Variants in ADAM15 observed in about 807,000 individuals in gnomAD.
ADAM15 encodes the protein disintegrin and metalloproteinase domain-containing protein 15.
In ADAM15, 77 loss-of-function variants were observed where a neutral mutation model predicts 113.8. The ratio of observed to expected loss-of-function variants is 0.68; its 90% CI spans 0.56 to 0.82. The LOEUF (loss-of-function observed/expected upper bound fraction) is 0.82. ADAM15 is among the 40% of genes least tolerant of loss of function. ADAM15 has a pLI of 0.00. For missense variants in ADAM15, 963 were observed against 1,120.1 expected, an observed-to-expected ratio of 0.86 and a Z score of 2.00; for synonymous variants, 388 against 454.1, an observed-to-expected ratio of 0.85 and a Z score of 1.85.
In ADAM15 at chr1:155,058,733, G is replaced by C; in HGVS notation, c.1941G>C (p.Gln647His). The C allele has an allele frequency of 6.2e-7, 1 of 1,613,898 alleles. No homozygotes were observed. Residue 647 changes from glutamine (Q) to histidine (H), a missense_variant, in exon 16 of 23, where the codon CAG (glutamine) becomes CAC (histidine). By Grantham distance (24) the Gln-to-His change is conservative. Coordinates refer to ENST00000356955, the MANE Select transcript of ADAM15 (RefSeq NM_207197.3). This position sits in a 1 kb window ranked among gnomAD's most constrained non-coding sequence, Gnocchi z 4.3. Reference sequence around the variant, plus strand: ...AGGTGTGTATAGACCATCGATGCCAGCGTGTGGATCTCCTGGGGGCACAGG... The same window carrying C: ...AGGTGTGTATAGACCATCGATGCCACCGTGTGGATCTCCTGGGGGCACAGG... Reference protein sequence around the residue: ...PGLVCIDHRCQRVDLLGAQEC... With the variant: ...PGLVCIDHRCHRVDLLGAQEC...
Position 155,056,107 on chromosome 1 carries a change from G to T in ADAM15, c.772G>T (p.Ala258Ser). The T allele has an allele frequency of 6.2e-7, 1 of 1,613,712 alleles. No homozygotes were observed. The highest frequency in any genetic ancestry group is 8.5e-7 in the Non-Finnish European group (1 of 1,180,040). Reference sequence around the variant, plus strand: ...CTTCCGGCCCCTGAATGTACGAGTGGCACTAGTGGGCCTGGAGGCCTGGAC... The same window carrying T: ...CTTCCGGCCCCTGAATGTACGAGTGTCACTAGTGGGCCTGGAGGCCTGGAC... ...TFFRPLNVRV[A>S]LVGLEAWTQR... is the part of the protein sequence containing the mutation. Residue 258 changes from alanine (A) to serine (S), a missense_variant, in exon 9 of 23, where the codon GCA becomes TCA. Physicochemically the swap from Ala to Ser is moderately conservative, Grantham distance 99 (BLOSUM62 1). Transcript: ENST00000356955. This position sits in a 1 kb window ranked among gnomAD's most constrained non-coding sequence, Gnocchi z 4.0.
chr1:155,053,263 C>T (rs981855454), intron 2 of ADAM15, among the ~76,000 whole-genome samples, 154 bp from the exon 3 acceptor site: 7 of 152,116 alleles, frequency 4.6e-5, no homozygotes, highest in Non-Finnish European at 8.8e-5. Context: ...GAACAATGCT[C>T]CAGGCCAGGC....
intron 6 of ADAM15, chr1:155,055,571 G>A (rs1283133860): frequency 1.7e-6 from 1 of 584,326 alleles, no homozygotes; most frequent in Non-Finnish European, 3.1e-6. Context: ...TGAGTTTGGA[G>A]CCAGAAAAGC....
intron 19 of ADAM15, 196 bp downstream of exon 19, chr1:155,061,028 A>G (rs1662508354): frequency 1.6e-6 from 1 of 608,922 alleles, no homozygotes; most frequent in Admixed American, 3.0e-5. Context: ...AAGAGTGGGG[A>G]GGGCAGCCAG....
chr1:155,054,434 C>T lies in ADAM15; in HGVS notation c.540C>T (p.Ala180=). ...QDLHLPGHTC[A]LSWRESVHTQ... is the part of the protein sequence containing the mutation. Reference sequence around the variant, plus strand: ...TCCACCTGCCAGGCCACACCTGTGCCCTGAGCTGGCGGGAATCTGTACACA... The same window carrying T: ...TCCACCTGCCAGGCCACACCTGTGCTCTGAGCTGGCGGGAATCTGTACACA... The change falls in exon 6 of 23, where the codon GCC becomes GCT. Residue 180 remains alanine (A), a synonymous_variant. Coordinates refer to ENST00000356955, the MANE Select transcript of ADAM15 (RefSeq NM_207197.3). The T allele has an allele frequency of 6.2e-7, 1 of 1,613,752 alleles. No homozygotes were observed. Among genetic ancestry groups the T allele is most frequent in the African/African-American group, 1.3e-5 (1 of 75,008 alleles).
Position 155,057,855 on chromosome 1 carries a change from G to C in ADAM15, c.1421G>C (p.Arg474Pro), listed in dbSNP as rs1176672316. Reference sequence around the variant, plus strand: ...ATGCTCATCCACCCTCCACAGCTGCGCCCGTCTGGCTGGCAGTGTCGTCCT... The same window carrying C: ...ATGCTCATCCACCCTCCACAGCTGCCCCCGTCTGGCTGGCAGTGTCGTCCT... ...DGPCCQNCQL[R>P]PSGWQCRPTR... Residue 474 changes from arginine (R) to proline (P), a missense_variant, in exon 14 of 23, where the codon CGC becomes CCC. Transcript: ENST00000356955. This position sits in a 1 kb window ranked among gnomAD's most constrained non-coding sequence, Gnocchi z 5.0. The C allele has an allele frequency of 1.2e-6, 2 of 1,613,056 alleles. No homozygotes were observed. The highest frequency in any genetic ancestry group is 2.7e-5 in the African/African-American group (2 of 74,914).
rs1445390658 is a variant in ADAM15, at chr1:155,062,026, T to C, written c.2424+51T>C. 6.7e-7 allele frequency: 1 copy of C among 1,495,436 alleles called. No homozygotes were observed. Among genetic ancestry groups the C allele is most frequent in the African/African-American group, 1.4e-5 (1 of 70,800 alleles). The allele number at this position is 1,495,436 out of a possible 1,614,324, so 92.6% of individuals were successfully genotyped here. ...CGGCCTCTCCCCCCACCTAGGGCTG[T>C]GGTGCTGGTAGCCATGACGGTGGTG... On this transcript the variant is annotated intron_variant, in intron 21 of 22. Transcript: ENST00000356955. The surrounding 1 kb of genome is among the most constrained non-coding windows in gnomAD (Gnocchi z 7.0).
At position 155,060,363 on chromosome 1, in the gene ADAM15, G is replaced by A. The variant is rs1171379782; in HGVS notation, c.2207+20G>A. 3 of 1,612,160 alleles carry A rather than the reference G, an allele frequency of 1.9e-6. No individual in the cohort carries two copies. The highest frequency in any genetic ancestry group is 2.5e-6 in the Non-Finnish European group (3 of 1,178,508). On this transcript the variant is annotated intron_variant, in intron 18 of 22. Coordinates refer to ENST00000356955, the MANE Select transcript of ADAM15 (RefSeq NM_207197.3). ...GTACAGGTATGAGCATCACCTCCCTGCTACCACTTCCTTCAACTGGGGACA... is the reference window on the plus strand; with the variant it reads ...GTACAGGTATGAGCATCACCTCCCTACTACCACTTCCTTCAACTGGGGACA...
Position 155,054,135 on chromosome 1 carries a change from GT to G in ADAM15, c.343-13del. ...TGCTCTCTGAGACAGCACTAATGTT[GT>G]TCCCATGCTGCAGGAGAACTGCTGC... On this transcript the variant is annotated splice_polypyrimidine_tract_variant and intron_variant, in intron 4 of 22. Transcript: ENST00000356955. 3 of 1,613,886 alleles carry G rather than the reference GT, an allele frequency of 1.9e-6. No homozygotes were observed. The highest frequency in any genetic ancestry group is 2.5e-6 in the Non-Finnish European group (3 of 1,179,968).
chr1:155,054,455 A>G lies in ADAM15; in HGVS notation c.561A>G (p.Val187=). 2 of 1,607,422 alleles carry G rather than the reference A, an allele frequency of 1.2e-6. No homozygotes were observed. The highest frequency in any genetic ancestry group is 1.7e-6 in the Non-Finnish European group (2 of 1,176,304). ...HTCALSWRES[V]HTQKPPEHPL... ...GTGCCCTGAGCTGGCGGGAATCTGT[A>G]CACACTCAGAAGCCACCAGAGCACC... Residue 187 remains valine (V), a synonymous_variant, in exon 6 of 23, where the codon GTA becomes GTG. Transcript: ENST00000356955.
chr1:155,058,807 G>T lies in ADAM15; in HGVS notation c.1995+20G>T, dbSNP rs1450804990. On this transcript the variant is annotated intron_variant, in intron 16 of 22. Coordinates refer to ENST00000356955, the MANE Select transcript of ADAM15 (RefSeq NM_207197.3). The surrounding 1 kb of genome is among the most constrained non-coding windows in gnomAD (Gnocchi z 4.3). Reference sequence around the variant, plus strand: ...CATGGGGTGAGCTGGGATGGGGGAAGTGGAAGGGGAGCAGAGAGCCTCTAG... The same window carrying T: ...CATGGGGTGAGCTGGGATGGGGGAATTGGAAGGGGAGCAGAGAGCCTCTAG... 2 of 1,604,492 alleles carry T rather than the reference G, an allele frequency of 1.2e-6. No individual in the cohort carries two copies. Among genetic ancestry groups the T allele is most frequent in the Non-Finnish European group, 1.7e-6 (2 of 1,174,608 alleles).
intron 1 of ADAM15, chr1:155,052,441 A>G: frequency 2.7e-6 from 4 of 1,484,332 alleles, no homozygotes; most frequent in Non-Finnish European, 2.7e-6. Flanking sequence ...GCGCAAGCCG[A>G]AAGTCTTTCT....
At chr1:155,061,067 G>A (rs183401423) in intron 19 of ADAM15, 14 of 584,276 alleles carry the variant, frequency 2.4e-5, no homozygotes, top group Admixed American at 1.5e-4. Context: ...GGCTCCGTCC[G>A]CTGGCCAAGA....
At chr1:155,060,683 A>C in intron 18 of ADAM15, 80 bp from the exon 19 acceptor site, 2 of 1,478,932 alleles carry the variant, frequency 1.4e-6, no homozygotes, top group South Asian at 2.3e-5. Context: ...CAAAGGGTTA[A>C]CCCCACTCAG....
At position 155,051,491 on chromosome 1, in the gene ADAM15, G is replaced by A. The variant is rs764414963; in HGVS notation, c.79+26G>A. 6 of 1,516,782 alleles carry A rather than the reference G, an allele frequency of 4.0e-6. No individual in the cohort carries two copies. In the African/African-American group the frequency reaches 7.2e-5, roughly 18 times the overall value. The allele number at this position is 1,516,782 out of a possible 1,614,324, so 94.0% of individuals were successfully genotyped here. On this transcript the variant is annotated intron_variant, in intron 1 of 22. Transcript: ENST00000356955. ...GTGAGTCCTCCGCCTGGAGTGGGTC[G>A]GGGGGCGGACTGGGAGGGAGGTGCA...
rs1322582756 is a variant in ADAM15, at chr1:155,061,489, G to C, written c.2352G>C (p.Gln784His). 1 of 1,613,416 alleles carries C rather than the reference G, an allele frequency of 6.2e-7. No individual in the cohort carries two copies. The highest frequency in any genetic ancestry group is 8.5e-7 in the Non-Finnish European group (1 of 1,179,860). ...LPPDPVSKRL[Q>H]AELADRPNPP... ...CTGACCCTGTGTCCAAGAGACTCCA[G>C]GTAAATCTGGGCCAGGGCCCGCCCT... is the stretch of plus-strand genomic sequence containing the variant. The change falls in exon 20 of 23, where the codon CAG (glutamine) becomes CAC (histidine). Residue 784 changes from glutamine to histidine, a missense_variant and splice_region_variant. Gln to His is a conservative substitution (Grantham distance 24). Transcript: ENST00000356955.
chr1:155,052,865 A>T, intron 2 of ADAM15, 88 bp downstream of exon 2: 1 of 1,499,144 alleles, frequency 6.7e-7, no homozygotes, highest in East Asian at 2.5e-5. Context: ...TTGGCTGAGG[A>T]GCTGGTGGGT....
intron 3 of ADAM15, 111 bp from the exon 4 acceptor site, chr1:155,053,799 G>C: frequency 4.7e-6 from 6 of 1,282,326 alleles, no homozygotes; most frequent in Non-Finnish European, 5.5e-6. Context: ...GGAAAAGTTG[G>C]CTGCGGGGGT....
rs116408150 is a variant in ADAM15, at chr1:155,057,294, C to G, written c.1255C>G (p.Pro419Ala). ...CLFERLPSLP[P>A]MAAFCGNMFV... is the part of the protein sequence containing the mutation. ...CTTCGAACGGCTGCCTAGCCTACCC[C>G]CTATGGCTGCTTTCTGCGGAAATAT... Residue 419 changes from proline (P) to alanine (A), a missense_variant, in exon 12 of 23, where the codon CCT becomes GCT. Coordinates refer to ENST00000356955, the MANE Select transcript of ADAM15 (RefSeq NM_207197.3). This position sits in a 1 kb window ranked among gnomAD's most constrained non-coding sequence, Gnocchi z 5.0. The G allele has an allele frequency of 5.3e-5, 85 of 1,614,224 alleles. No homozygotes were observed. Among genetic ancestry groups the G allele is most frequent in the Admixed American group, 2.7e-4 (16 of 60,026 alleles).
Sources: gnomAD v4.1 joint callset for allele counts (sites outside exome capture counted in the v4.1 genomes callset) on GRCh38, gnomAD v4.1.1 for gene constraint, Gnocchi (gnomAD v3.1) non-coding constraint, MANE v1.5 for transcripts, NCBI Gene and HGNC (gene_info 2026-07-23, HGNC 2026-07-21) for gene names.